The following STAG2 variants were observed in gnomAD, a reference collection of about 807,000 sequenced individuals.
The protein encoded by STAG2 is STAG2 cohesin complex component, also known as cohesin subunit SA-2.
A neutral mutation model predicts 108.1 loss-of-function variants in STAG2; 14 were observed. The observed-to-expected ratio is 0.13, with a 90% confidence interval of 0.09 to 0.20. The LOEUF (loss-of-function observed/expected upper bound fraction) is 0.20, where lower values mean the gene tolerates loss of function less well. STAG2 is among the 10% of genes least tolerant of loss of function. STAG2 has a pLI of 1.00. For missense variants in STAG2, 440 were observed against 940.9 expected, an observed-to-expected ratio of 0.47 and a Z score of 6.96; for synonymous variants, 307 against 302.7, an observed-to-expected ratio of 1.01 and a Z score of -0.15.
chrX:123,981,745 C>G (rs762704700), intron 1 of STAG2, among the ~76,000 whole-genome samples: 5 of 111,265 alleles, frequency 4.5e-5, no homozygotes, highest in Non-Finnish European at 9.4e-5. Context: ...GTGCTAAGCA[C>G]TGGGGATGCA....
chrX:124,017,237 T>A (rs181437738), intron 1 of STAG2, among the ~76,000 whole-genome samples: 46 of 108,034 alleles, frequency 4.3e-4, no homozygotes, highest in Non-Finnish European at 7.5e-4. Flanking sequence ...GGAGATGGAG[T>A]CTCACTCTGT....
At chrX:124,076,504 T>TA in intron 26 of STAG2, 33 bp downstream of exon 26, 2 of 1,110,288 alleles carry the variant, frequency 1.8e-6, no homozygotes, top group Non-Finnish European at 2.4e-6. Context: ...AAGATAGTTT[T>TA]AAAATGCAAC....
At chrX:124,093,927 A>C (rs947589201) in intron 32 of STAG2, 91 bp from the exon 33 acceptor site, 7 of 968,860 alleles carry the variant, frequency 7.2e-6, no homozygotes, top group Non-Finnish European at 1.0e-5. Context: ...ATTTTCCATT[A>C]TACTTGAATA....
intron 34 of STAG2, among the ~76,000 whole-genome samples, chrX:124,095,861 T>C (rs1167089306): frequency 9.1e-6 from 1 of 109,960 alleles, no homozygotes; most frequent in Admixed American, 9.8e-5. Context: ...AATGAGAACT[T>C]GAACAAAGGC....
In STAG2 at chrX:124,081,557, C is replaced by G. The variant is rs1007507554; in HGVS notation, c.2924+29C>G. 2.7e-6 allele frequency: 3 copies of G among 1,107,107 alleles called. No individual in the cohort carries two copies. The African/African-American group carries it at 5.6e-5, about 21-fold the overall frequency. The allele number at this position is 1,107,107 out of a possible 1,213,427, so 91.2% of individuals were successfully genotyped here. A position where few individuals can be genotyped will look rare whatever the true frequency, so the allele number is the denominator to read the frequency against. ...ATCTCCAGATATTTTATTCAGCTCT[C>G]ATATTTTTTAGTCATGAAACTTTAT... On this transcript the variant is annotated intron_variant, in intron 28 of 34. Coordinates refer to ENST00000371145, the MANE Select transcript of STAG2 (RefSeq NM_001042750.2).
At chrX:124,030,834 A>G (rs2057309999) in intron 4 of STAG2, 127 bp from the exon 5 acceptor site, 1 of 666,723 alleles carries the variant, frequency 1.5e-6, no homozygotes, top group Non-Finnish European at 2.1e-6. Flanking sequence ...ATTTTGTTAT[A>G]AGTGGATGGA....
intron 1 of STAG2, among the ~76,000 whole-genome samples, chrX:123,987,888 T>C (rs2147731083): frequency 8.9e-6 from 1 of 111,806 alleles, no homozygotes; most frequent in Admixed American, 9.5e-5. Flanking sequence ...GTTTGTATTA[T>C]GAATATTACA....
chrX:123,963,626 TC>T (rs1472761887), intron 1 of STAG2, among the ~76,000 whole-genome samples: 2 of 110,216 alleles, frequency 1.8e-5, no homozygotes, highest in Non-Finnish European at 3.8e-5. Flanking sequence ...TTTTTTTTTT[TC>T]ATTTTGAACT....
chrX:124,084,392 CACT>C (rs2059043932), intron 29 of STAG2, among the ~76,000 whole-genome samples: 1 of 101,099 alleles, frequency 9.9e-6, no homozygotes, highest in Non-Finnish European at 2.1e-5. Context: ...CATCTCGGCC[CACT>C]GCAAACTCTG....
intron 1 of STAG2, among the ~76,000 whole-genome samples, chrX:123,996,277 A>G: frequency 8.9e-6 from 1 of 112,600 alleles, no homozygotes; most frequent in East Asian, 2.7e-4. Context: ...AATATTATTC[A>G]GATAGCTGAA....
At chrX:124,072,800 A>G (rs2058698484) in intron 25 of STAG2, among the ~76,000 whole-genome samples, 1 of 109,462 alleles carries the variant, frequency 9.1e-6, no homozygotes, top group African/African-American at 3.3e-5. Context: ...TCCCGGGTTC[A>G]AATGGTTTTC....
At chrX:123,978,866 C>G (rs1307149031) in intron 1 of STAG2, among the ~76,000 whole-genome samples, 1 of 111,510 alleles carries the variant, frequency 9.0e-6, no homozygotes, top group Non-Finnish European at 1.9e-5. Context: ...TGGTCCCAAG[C>G]ATTTTGGATA....
chrX:124,068,099 A>G (rs990508357), intron 23 of STAG2, among the ~76,000 whole-genome samples: 3 of 111,686 alleles, frequency 2.7e-5, no homozygotes, highest in Non-Finnish European at 3.8e-5. Context: ...TAATACCACA[A>G]AATATTTTCC....
chrX:123,986,097 T>G (rs1326661955), intron 1 of STAG2, among the ~76,000 whole-genome samples: 1 of 105,429 alleles, frequency 9.5e-6, no homozygotes, highest in Non-Finnish European at 1.9e-5. Context: ...ATGATATATA[T>G]CATGTATATA....
At chrX:124,085,462 CT>C (rs1390693478) in intron 29 of STAG2, among the ~76,000 whole-genome samples, 2 of 111,033 alleles carry the variant, frequency 1.8e-5, no homozygotes, top group Non-Finnish European at 3.8e-5. Flanking sequence ...TACTGTACTA[CT>C]ATATATGACT....
chrX:123,973,599 C>T (rs2054476435), intron 1 of STAG2, among the ~76,000 whole-genome samples: 1 of 105,476 alleles, frequency 9.5e-6, no homozygotes, highest in Non-Finnish European at 1.9e-5. Flanking sequence ...AATCCCAGCA[C>T]TTTGGGAGGC....
intron 1 of STAG2, among the ~76,000 whole-genome samples, chrX:123,996,631 A>G (rs2055749064): frequency 8.9e-6 from 1 of 111,915 alleles, no homozygotes; most frequent in Admixed American, 9.5e-5. Flanking sequence ...ACTGTCATAT[A>G]CATGGAGTCA....
chrX:124,002,182 A>G lies in STAG2; in HGVS notation c.-162-19185A>G, dbSNP rs146592290. Among the ~76,000 whole-genome samples, 674 of 112,186 alleles carry G rather than the reference A, an allele frequency of 6.0e-3. 5 individuals carry two copies. Among genetic ancestry groups the G allele is most frequent in the African/African-American group, 0.02 (622 of 30,843 alleles). ...CAGTGAACTGTGATCATGCCACTGCACTGTAGTCTGGGCGACAGAGGGAGA... is the reference window on the plus strand; with the variant it reads ...CAGTGAACTGTGATCATGCCACTGCGCTGTAGTCTGGGCGACAGAGGGAGA... On this transcript the variant is annotated intron_variant, in intron 1 of 34. Transcript: ENST00000371145.
At chrX:124,024,174 T>A (rs934045360) in intron 3 of STAG2, among the ~76,000 whole-genome samples, 3 of 110,719 alleles carry the variant, frequency 2.7e-5, no homozygotes, top group Non-Finnish European at 5.7e-5. Context: ...AGTGCTTCAC[T>A]CTTAGTTGGG....
Sources: gnomAD v4.1 joint callset for allele counts (sites outside exome capture counted in the v4.1 genomes callset) on GRCh38, gnomAD v4.1.1 for gene constraint, MANE v1.5 for transcripts, NCBI Gene and HGNC (gene_info 2026-07-23, HGNC 2026-07-21) for gene names.